The following STK3 variants were observed in gnomAD, a reference collection of about 807,000 sequenced individuals.
STK3 encodes serine/threonine kinase 3, also known as serine/threonine-protein kinase 3.
A neutral mutation model predicts 58.0 loss-of-function variants in STK3; 41 were observed. The observed-to-expected ratio is 0.71, with a 90% CI of 0.55 to 0.92. STK3 has a LOEUF of 0.92. Ranked by LOEUF, STK3 falls within the 40% of genes least tolerant of loss-of-function variation. STK3 has a pLI of 0.00. For missense variants in STK3, 479 were observed against 602.7 expected (o/e 0.79, Z 2.15); for synonymous variants, 170 against 191.0 (o/e 0.89, Z 0.91).
intron 3 of STK3, among the ~76,000 whole-genome samples, chr8:98,842,710 G>C (rs916854944): frequency 6.6e-6 from 1 of 151,916 alleles, no homozygotes. Flanking sequence ...AATTAAAACA[G>C]TGTGGTATTG....
At chr8:98,464,540 T>TAAAAAAAAAAAAAAAAA in intron 10 of STK3, among the ~76,000 whole-genome samples, 2 of 69,226 alleles carry the variant, frequency 2.9e-5, no homozygotes, top group African/African-American at 1.1e-4. Context: ...TACTTAAAGT[T>TAAAAAAAAAAAAAAAAA]AAAAAAAAAA....
At chr8:98,861,700 A>C (rs1176710973) in intron 3 of STK3, among the ~76,000 whole-genome samples, 3 of 152,182 alleles carry the variant, frequency 2.0e-5, no homozygotes, top group Admixed American at 2.0e-4. Flanking sequence ...AGAGAATGGC[A>C]GCACCTTGGT....
chr8:98,453,403 T>C (rs1819294732), downstream of STK3, among the ~76,000 whole-genome samples: 1 of 152,166 alleles, frequency 6.6e-6, no homozygotes, highest in Non-Finnish European at 1.5e-5. Context: ...CTTTCATGGC[T>C]TGTGATTCTT....
chr8:98,615,004 G>C (rs575796115), intron 6 of STK3, among the ~76,000 whole-genome samples: 1 of 152,162 alleles, frequency 6.6e-6, no homozygotes, highest in Non-Finnish European at 1.5e-5. Flanking sequence ...CACGTCTAGG[G>C]GCAGGGCACA....
chr8:98,650,883 G>A (rs1334581135), intron 6 of STK3, among the ~76,000 whole-genome samples: 1 of 152,250 alleles, frequency 6.6e-6, no homozygotes, highest in Non-Finnish European at 1.5e-5. Context: ...AGGCCTGCCT[G>A]CCTCTGTAGG....
chr8:98,926,778 C>G (rs1839816025), intron 1 of STK3, among the ~76,000 whole-genome samples: 1 of 152,170 alleles, frequency 6.6e-6, no homozygotes, highest in Admixed American at 6.5e-5. Context: ...GAAGTTAGGG[C>G]AGGGTAGAGG....
At chr8:98,777,255 C>G (rs1368390268) in intron 1 of STK3, among the ~76,000 whole-genome samples, 1 of 152,038 alleles carries the variant, frequency 6.6e-6, no homozygotes, top group African/African-American at 2.4e-5. Context: ...GGGCTGGGCA[C>G]GGTGGCTCAC....
chr8:98,905,416 T>C lies in STK3; in HGVS notation c.-78-21582A>G, dbSNP rs962674289. The C allele has an allele frequency of 2.9e-5, 37 of 1,289,212 alleles. No individual in the cohort carries two copies. In the Admixed American group the frequency reaches 4.2e-4, roughly 15 times the overall value. The allele number at this position is 1,289,212 out of a possible 1,614,324, so 79.9% of individuals were successfully genotyped here. A position where few individuals can be genotyped will look rare whatever the true frequency, so the allele number is the denominator to read the frequency against. On this transcript the variant is annotated intron_variant, in intron 1 of 1. Transcript: ENST00000519420. ...AGCTCTTGGTTGGTACAAGTGGGAC[T>C]GATGTTACCCACGTGTAACTTGGTT... is the stretch of plus-strand genomic sequence containing the variant.
At chr8:98,793,132 C>T (rs773375964) in intron 1 of STK3, among the ~76,000 whole-genome samples, 3 of 151,988 alleles carry the variant, frequency 2.0e-5, no homozygotes, top group African/African-American at 4.8e-5. Flanking sequence ...GCTATGAGGA[C>T]GCAAAGGCAT....
intron 1 of STK3, among the ~76,000 whole-genome samples, chr8:98,439,920 CT>C (rs1172479951): frequency 6.6e-6 from 1 of 152,206 alleles, no homozygotes; most frequent in East Asian, 1.9e-4. Context: ...CATTTGTCAT[CT>C]GCCATGCACT....
At chr8:98,366,694 T>C (rs1817568166), downstream of STK3, among the ~76,000 whole-genome samples, 1 of 152,216 alleles carries the variant, frequency 6.6e-6, no homozygotes, top group African/African-American at 2.4e-5. Flanking sequence ...GTTTTACTGA[T>C]CTATCTGTCT....
chr8:98,796,639 C>G (rs553929471), intron 1 of STK3, among the ~76,000 whole-genome samples: 1 of 152,266 alleles, frequency 6.6e-6, no homozygotes, highest in South Asian at 2.1e-4. Context: ...TGCTTTTGTG[C>G]AGCAAAAGAA....
chr8:98,472,729 A>G (rs1586647001), intron 10 of STK3, among the ~76,000 whole-genome samples: 1 of 152,300 alleles, frequency 6.6e-6, no homozygotes, highest in East Asian at 1.9e-4. Context: ...GTCACATAAC[A>G]TTTAAAAAAA....
chr8:98,613,444 C>G (rs1414647450), intron 6 of STK3, among the ~76,000 whole-genome samples: 1 of 152,034 alleles, frequency 6.6e-6, no homozygotes, highest in Non-Finnish European at 1.5e-5. Flanking sequence ...TAAAAAAATG[C>G]TTCAATGAAC....
At chr8:98,885,109 T>C (rs972930358) in intron 1 of STK3, among the ~76,000 whole-genome samples, 6 of 152,202 alleles carry the variant, frequency 3.9e-5, no homozygotes, top group African/African-American at 1.2e-4. Flanking sequence ...ACTGGCCACA[T>C]TATTATGGAG....
intron 3 of STK3, among the ~76,000 whole-genome samples, chr8:98,842,940 C>T (rs900429641): frequency 9.2e-5 from 14 of 152,144 alleles, no homozygotes; most frequent in Admixed American, 2.6e-4. Flanking sequence ...TTGCTTGCGC[C>T]TGGGACGTGG....
chr8:98,818,225 TAC>T, intron 1 of STK3, among the ~76,000 whole-genome samples: 1 of 152,350 alleles, frequency 6.6e-6, no homozygotes, highest in East Asian at 1.9e-4. Flanking sequence ...CATCTTTCTC[TAC>T]ACACTACTTA....
chr8:98,422,293 A>G (rs1459496388), intron 3 of STK3, among the ~76,000 whole-genome samples: 1 of 152,206 alleles, frequency 6.6e-6, no homozygotes, highest in African/African-American at 2.4e-5. Context: ...TTTGTTCTCC[A>G]ATTTTCCTCT....
At chr8:98,694,569 C>A (rs560234230) in intron 6 of STK3, among the ~76,000 whole-genome samples, 7 of 152,194 alleles carry the variant, frequency 4.6e-5, no homozygotes, top group African/African-American at 1.7e-4. Flanking sequence ...TCTCATTGTT[C>A]AATTCCCATC....
Sources: allele counts gnomAD v4.1 joint callset (sites outside exome capture counted in the v4.1 genomes callset), GRCh38; gene constraint gnomAD v4.1.1; transcripts MANE v1.5; gene names NCBI Gene and HGNC (gene_info 2026-07-23, HGNC 2026-07-21).